SORCS2: variants seen among roughly 807,000 people sequenced by gnomAD.
SORCS2 encodes VPS10 domain-containing receptor SorCS2.
A neutral mutation model predicts 141.6 loss-of-function variants in SORCS2; 100 were observed. That is an observed-to-expected ratio of 0.71 (90% CI 0.60 to 0.83). SORCS2 has a LOEUF of 0.83. SORCS2 is among the 40% of genes least tolerant of loss of function. SORCS2 has a pLI of 0.00. For missense variants in SORCS2, 1,646 were observed against 1,560.2 expected, an observed-to-expected ratio of 1.05 and a Z score of -0.93; for synonymous variants, 789 against 676.9, an observed-to-expected ratio of 1.17 and a Z score of -2.57.
At position 7,728,364 on chromosome 4, in the gene SORCS2, A is replaced by T. The variant is rs1727365628; in HGVS notation, c.2884A>T (p.Met962Leu). The T allele has an allele frequency of 3.1e-6, 5 of 1,613,486 alleles. No individual in the cohort carries two copies. The East Asian group carries it at 1.1e-4, about 36-fold the overall frequency. The change falls in exon 22 of 27, where the codon ATG (methionine) becomes TTG (leucine). Residue 962 changes from methionine to leucine, a missense_variant. Transcript: ENST00000507866. ...VLRVLDQFQV[M>L]PLQFSKELDA... ...CGTCTTTCCAGATCAATTTCAAGTC[A>T]TGCCTCTGCAGTTTTCCAAGGAGCT...
chr4:7,293,872 G>T (rs1443244839), intron 1 of SORCS2, among the ~76,000 whole-genome samples: 3 of 152,202 alleles, frequency 2.0e-5, no homozygotes, highest in Non-Finnish European at 4.4e-5. Context: ...TAACTTTTCA[G>T]CCAGGACTTG....
At chr4:7,616,328 G>A (rs7349704) in intron 3 of SORCS2, among the ~76,000 whole-genome samples, 146,119 of 152,264 alleles carry the variant, frequency 0.96, 70,363 homozygotes, top group East Asian at 1. Context: ...TCTGTCATCT[G>A]TCCATTCACC....
intron 1 of SORCS2, among the ~76,000 whole-genome samples, chr4:7,252,375 G>C (rs1713564463): frequency 6.6e-6 from 1 of 152,306 alleles, no homozygotes; most frequent in South Asian, 2.1e-4. Flanking sequence ...AGAGCTCAGG[G>C]GCCGGCAGTG....
intron 2 of SORCS2, among the ~76,000 whole-genome samples, chr4:7,423,342 C>T (rs1181853940): frequency 6.6e-6 from 1 of 152,200 alleles, no homozygotes; most frequent in Non-Finnish European, 1.5e-5. Flanking sequence ...CTCAAGGGAG[C>T]AGCATCCCTG....
chr4:7,593,822 G>A (rs983805793), intron 3 of SORCS2, among the ~76,000 whole-genome samples: 1 of 152,158 alleles, frequency 6.6e-6, no homozygotes, highest in African/African-American at 2.4e-5. Context: ...TTGTCATTAT[G>A]GTTAAACTCA....
At chr4:7,577,536 G>A (rs1715832441) in intron 3 of SORCS2, among the ~76,000 whole-genome samples, 1 of 151,050 alleles carries the variant, frequency 6.6e-6, no homozygotes, top group Non-Finnish European at 1.5e-5. Context: ...ATAGCATACA[G>A]GCGAAGTCAG....
intron 3 of SORCS2, among the ~76,000 whole-genome samples, chr4:7,570,609 G>A (rs995023465): frequency 2.0e-5 from 3 of 152,254 alleles, no homozygotes; most frequent in Non-Finnish European, 2.9e-5. Flanking sequence ...ATGGAAATGG[G>A]AGGTGGGGCC....
At chr4:7,231,717 G>A (rs1423291231) in intron 1 of SORCS2, among the ~76,000 whole-genome samples, 1 of 152,338 alleles carries the variant, frequency 6.6e-6, no homozygotes, top group East Asian at 1.9e-4. Flanking sequence ...GGAGAGGGTC[G>A]TTCTTTTTGT....
At chr4:7,573,511 T>G (rs1448447007) in intron 3 of SORCS2, among the ~76,000 whole-genome samples, 1 of 152,210 alleles carries the variant, frequency 6.6e-6, no homozygotes, top group Non-Finnish European at 1.5e-5. Context: ...ATTTTTTGTT[T>G]GTTTGTTTCT....
intron 1 of SORCS2, among the ~76,000 whole-genome samples, chr4:7,380,891 G>A (rs947565919): frequency 6.6e-6 from 1 of 152,178 alleles, no homozygotes; most frequent in Non-Finnish European, 1.5e-5. Flanking sequence ...AGGCCAGCCT[G>A]GCCAACACGG....
chr4:7,610,132 TG>T (rs1718313427), intron 3 of SORCS2, among the ~76,000 whole-genome samples: 5 of 151,992 alleles, frequency 3.3e-5, no homozygotes, highest in South Asian at 2.1e-4. Flanking sequence ...GCCAGGGAAT[TG>T]GGGGGAAATC....
At chr4:7,208,198 G>A (rs1318940253) in intron 1 of SORCS2, among the ~76,000 whole-genome samples, 1 of 152,100 alleles carries the variant, frequency 6.6e-6, no homozygotes, top group Non-Finnish European at 1.5e-5. Context: ...CATGCAGAAG[G>A]GGCTTGGTGC....
chr4:7,332,313 G>A (rs192949465), intron 1 of SORCS2, among the ~76,000 whole-genome samples: 10 of 152,302 alleles, frequency 6.6e-5, no homozygotes, highest in South Asian at 4.1e-4. Context: ...CTCTGTCCAC[G>A]TCTCAGCTCC....
intron 2 of SORCS2, among the ~76,000 whole-genome samples, chr4:7,440,330 G>A (rs756921082): frequency 5.9e-5 from 9 of 152,214 alleles, no homozygotes; most frequent in African/African-American, 2.2e-4. Context: ...CCTGCGGCTT[G>A]CTTCAAGGAC....
chr4:7,367,965 G>A (rs1254800816), intron 1 of SORCS2, among the ~76,000 whole-genome samples: 1 of 152,216 alleles, frequency 6.6e-6, no homozygotes, highest in Non-Finnish European at 1.5e-5. Flanking sequence ...CTCCCTCTGA[G>A]TGCTTGGGCT....
At chr4:7,263,360 C>T (rs1714494004) in intron 1 of SORCS2, among the ~76,000 whole-genome samples, 1 of 152,104 alleles carries the variant, frequency 6.6e-6, no homozygotes, top group Admixed American at 6.6e-5. Context: ...GTGAAAAAGC[C>T]CAGCCTGGAG....
intron 2 of SORCS2, among the ~76,000 whole-genome samples, chr4:7,471,057 G>A (rs118068762): frequency 6.6e-6 from 1 of 152,170 alleles, no homozygotes; most frequent in African/African-American, 2.4e-5. Flanking sequence ...GAAAACCCAA[G>A]GGAGGAGATT....
At chr4:7,408,999 A>G (rs1360803930) in intron 2 of SORCS2, among the ~76,000 whole-genome samples, 1 of 152,120 alleles carries the variant, frequency 6.6e-6, no homozygotes, top group Non-Finnish European at 1.5e-5. Context: ...GTTATCTTGA[A>G]GTTTTCTTAA....
intron 3 of SORCS2, among the ~76,000 whole-genome samples, chr4:7,583,832 A>G (rs955174039): frequency 3.3e-5 from 5 of 152,348 alleles, no homozygotes; most frequent in African/African-American, 9.6e-5. Flanking sequence ...TGAGCACTTT[A>G]CACCCATGAA....
Sources: gnomAD v4.1 joint callset for allele counts (sites outside exome capture counted in the v4.1 genomes callset) on GRCh38, gnomAD v4.1.1 for gene constraint, MANE v1.5 for transcripts, NCBI Gene and HGNC (gene_info 2026-07-23, HGNC 2026-07-21) for gene names.